The following B4GALNT3 variants were observed in gnomAD, a reference collection of about 807,000 sequenced individuals.
The protein encoded by B4GALNT3 is beta-1,4-N-acetyl-galactosaminyltransferase 3, also known as beta-1,4-N-acetylgalactosaminyltransferase 3.
B4GALNT3 carries 86 observed loss-of-function variants against 120.2 expected under a neutral mutation model. The observed-to-expected ratio is 0.72, with a 90% CI of 0.60 to 0.86. The LOEUF is 0.86. Among genes scored for constraint, B4GALNT3 ranks in the 40% least tolerant of loss-of-function variants. The pLI, the probability that B4GALNT3 is intolerant of heterozygous loss-of-function variation, is 0.00. For synonymous variants in B4GALNT3, 518 were observed against 510.4 expected (o/e 1.01, Z -0.20); for missense variants, 1,167 against 1,298.9 (o/e 0.90, Z 1.56).
intron 1 of B4GALNT3, among the ~76,000 whole-genome samples, chr12:466,462 T>C (rs1306238643): frequency 3.3e-5 from 5 of 152,258 alleles, no homozygotes; most frequent in Non-Finnish European, 5.9e-5. Context: ...GTAAAGATTA[T>C]GTGGTCTCAA....
In B4GALNT3 at chr12:527,580, C is replaced by A. The variant is rs183150321; in HGVS notation, c.170-7586C>A. Among the ~76,000 whole-genome samples, 12 of 152,354 alleles carry A rather than the reference C, an allele frequency of 7.9e-5. No individual in the cohort carries two copies. The East Asian group carries it at 2.3e-3, about 29-fold the overall frequency. ...GACTTATCATGGCCCCACCCATATC[C>A]ATCTGCTCATCTAGAGGAACGGGTA... On this transcript the variant is annotated intron_variant, in intron 1 of 19. Coordinates refer to ENST00000266383, the MANE Select transcript of B4GALNT3 (RefSeq NM_173593.4).
At chr12:483,366 G>A (rs1592016327) in intron 1 of B4GALNT3, among the ~76,000 whole-genome samples, 1 of 152,176 alleles carries the variant, frequency 6.6e-6, no homozygotes, top group Admixed American at 6.5e-5. Context: ...CTGTTACAAG[G>A]CAGGGTGGTA....
chr12:487,830 C>T (rs1437081895), intron 1 of B4GALNT3, among the ~76,000 whole-genome samples: 10 of 151,078 alleles, frequency 6.6e-5, no homozygotes, highest in East Asian at 3.9e-4. Flanking sequence ...TGGTGACATG[C>T]GCCCAGCTAC....
chr12:542,864 C>G (rs544984734), intron 3 of B4GALNT3, among the ~76,000 whole-genome samples: 1 of 152,334 alleles, frequency 6.6e-6, no homozygotes, highest in South Asian at 2.1e-4. Context: ...TGGGCCCCAG[C>G]TCACTCCTGC....
In B4GALNT3 at chr12:511,301, C is replaced by CCTTCCACCTTCTTCCACCTTCCAG. The variant is rs761221687; in HGVS notation, c.170-23854_170-23853insTTCCACCTTCCAGCTTCCACCTTC. Reference sequence around the variant, plus strand: ...ACCTTCTTCCACCTTCGACCTTCCACCTTCCACCTTCCGCCTTCTGCCTTC... The same window carrying CCTTCCACCTTCTTCCACCTTCCAG: ...ACCTTCTTCCACCTTCGACCTTCCACCTTCCACCTTCTTCCACCTTCCAGCTTCCACCTTCCGCCTTCTGCCTTC... On this transcript the variant is annotated intron_variant, in intron 1 of 19. Coordinates refer to ENST00000266383, the MANE Select transcript of B4GALNT3 (RefSeq NM_173593.4). Among the ~76,000 whole-genome samples the CCTTCCACCTTCTTCCACCTTCCAG allele has an allele frequency of 4.4e-5, 4 of 90,796 alleles. 1 individual carries two copies. Among genetic ancestry groups the CCTTCCACCTTCTTCCACCTTCCAG allele is most frequent in the Non-Finnish European group, 6.5e-5 (3 of 46,506 alleles). The allele number at this position is 90,796 out of a possible 152,430, so 59.6% of individuals were successfully genotyped here.
intron 14 of B4GALNT3, among the ~76,000 whole-genome samples, chr12:554,671 T>G: frequency 6.7e-6 from 1 of 149,124 alleles, no homozygotes; most frequent in East Asian, 2.0e-4. Flanking sequence ...GCGCCTGTAG[T>G]CCCAGCTACT....
chr12:481,288 C>T (rs1023872977), intron 1 of B4GALNT3, among the ~76,000 whole-genome samples: 1 of 152,190 alleles, frequency 6.6e-6, no homozygotes, highest in African/African-American at 2.4e-5. Flanking sequence ...AATAATGGCC[C>T]TGACCTCACA....
At position 563,165 on chromosome 12, in the gene B4GALNT3, G is replaced by A. The variant is rs546487290; in HGVS notation, c.*1714G>A. On this transcript the variant is annotated 3_prime_UTR_variant, in exon 20 of 20. Transcript: ENST00000266383. The stretch of plus-strand genomic sequence containing the variant: ...CTGCTGAGGCCGACTGGCCCCTGGA[G>A]AAGGATGGTGGGGCATAGGCTAGGG... The A allele has an allele frequency of 6.6e-6, 1 of 152,650 alleles. No homozygotes were observed. Among genetic ancestry groups the A allele is most frequent in the Admixed American group, 6.5e-5 (1 of 15,318 alleles). The allele number at this position is 152,650 out of a possible 1,614,324, so 9.5% of individuals were successfully genotyped here. A position where few individuals can be genotyped will look rare whatever the true frequency, so the allele number is the denominator to read the frequency against.
chr12:551,287 C>T (rs763888330), intron 11 of B4GALNT3, among the ~76,000 whole-genome samples: 3 of 152,236 alleles, frequency 2.0e-5, no homozygotes, highest in Non-Finnish European at 2.9e-5. Context: ...AGCCCAGCCC[C>T]GTGATGATAT....
intron 1 of B4GALNT3, among the ~76,000 whole-genome samples, chr12:528,549 G>C (rs2120644354): frequency 6.6e-6 from 1 of 152,344 alleles, no homozygotes; most frequent in Admixed American, 6.5e-5. Context: ...TCGTGTACTA[G>C]AAAGGATAGG....
At chr12:552,984 A>C in intron 13 of B4GALNT3, 2 of 647,088 alleles carry the variant, frequency 3.1e-6, no homozygotes, top group Non-Finnish European at 5.3e-6. Context: ...TGAGAGATGC[A>C]GTATTATTCC....
intron 6 of B4GALNT3, among the ~76,000 whole-genome samples, chr12:546,365 G>A (rs994307045): frequency 8.6e-5 from 13 of 151,926 alleles, no homozygotes; most frequent in Non-Finnish European, 1.9e-4. Context: ...GACACCCAGC[G>A]CAGCATCTCT....
chr12:551,597 G>A (rs1022295269), intron 11 of B4GALNT3, among the ~76,000 whole-genome samples: 3 of 152,214 alleles, frequency 2.0e-5, no homozygotes, highest in Non-Finnish European at 4.4e-5. Context: ...AATGGCTGGG[G>A]TGTAATTGAG....
At chr12:521,714 C>T (rs753614691) in intron 1 of B4GALNT3, among the ~76,000 whole-genome samples, 28 of 152,176 alleles carry the variant, frequency 1.8e-4, no homozygotes, top group Non-Finnish European at 3.5e-4. Flanking sequence ...TCCACTGACA[C>T]GTTGATGTTG....
chr12:558,035 A>T lies in B4GALNT3; in HGVS notation c.2554A>T (p.Ser852Cys). 1 of 1,613,994 alleles carries T rather than the reference A, an allele frequency of 6.2e-7. No individual in the cohort carries two copies. The highest frequency in any genetic ancestry group is 8.5e-7 in the Non-Finnish European group (1 of 1,180,030). The change falls in exon 17 of 20, where the codon AGT (serine) becomes TGT (cysteine). Residue 852 changes from serine to cysteine, a missense_variant. By Grantham distance (112) the Ser-to-Cys change is moderately radical. Transcript: ENST00000266383. ...CTGCAGCTACCAGTACGTGAAGCTA[A>T]GTGGAAACTTTGAACGCTCAGCTGG... ...KLRSYQYVKLSGNFERSAGLQ... is the reference protein window; with the variant it reads ...KLRSYQYVKLCGNFERSAGLQ...
At chr12:478,774 G>A (rs1946208359) in intron 1 of B4GALNT3, among the ~76,000 whole-genome samples, 1 of 152,202 alleles carries the variant, frequency 6.6e-6, no homozygotes, top group African/African-American at 2.4e-5. Context: ...GGAAGGGGTG[G>A]AAGGGCAGGC....
chr12:505,744 CAG>C, intron 1 of B4GALNT3, among the ~76,000 whole-genome samples: 1 of 152,260 alleles, frequency 6.6e-6, no homozygotes, highest in African/African-American at 2.4e-5. Context: ...TTGCTGTCTG[CAG>C]AGAGATAGGG....
In B4GALNT3 at chr12:553,942, C is replaced by T. The variant is rs761835168; in HGVS notation, c.2019C>T (p.Val673=). The change falls in exon 14 of 20, where the codon GTC becomes GTT. Residue 673 remains valine, a synonymous_variant. Coordinates refer to ENST00000266383, the MANE Select transcript of B4GALNT3 (RefSeq NM_173593.4). The stretch of plus-strand genomic sequence containing the variant: ...TTCCAGAGCAGGAAGCTCTGGAGGT[C>T]ACGCGAGTCTTCTTGAAGAAGCTCA... ...LLLPEQEALE[V]TRVFLKKLNQ... 4.3e-6 allele frequency: 7 copies of T among 1,613,872 alleles called. No homozygotes were observed. The Admixed American group carries it at 1.2e-4, about 27-fold the overall frequency.
At chr12:491,083 A>G (rs1392723252) in intron 1 of B4GALNT3, among the ~76,000 whole-genome samples, 3 of 152,156 alleles carry the variant, frequency 2.0e-5, no homozygotes, top group Non-Finnish European at 4.4e-5. Flanking sequence ...CAAGAAAGAA[A>G]ATTACAGATT....
Sources: allele counts gnomAD v4.1 joint callset (sites outside exome capture counted in the v4.1 genomes callset), GRCh38; gene constraint gnomAD v4.1.1; transcripts MANE v1.5; gene names NCBI Gene and HGNC (gene_info 2026-07-23, HGNC 2026-07-21).